Variants in ANK3 observed in about 807,000 individuals in gnomAD.
ANK3 encodes the protein ankyrin 3.
A neutral mutation model predicts 370.9 loss-of-function variants in ANK3; 57 were observed. That is an observed-to-expected ratio of 0.15 (90% CI 0.12 to 0.19). The LOEUF is 0.19. Among genes scored for constraint, ANK3 ranks in the 10% least tolerant of loss-of-function variants. The probability of loss-of-function intolerance (pLI) is 1.00; values close to 1 mark genes in which losing one functional copy is unlikely to be tolerated. For missense variants in ANK3, 4,439 were observed against 5,302.1 expected, an observed-to-expected ratio of 0.84 and a Z score of 5.06; for synonymous variants, 1,929 against 1,946.3, an observed-to-expected ratio of 0.99 and a Z score of 0.23.
chr10:60,636,202 T>C (rs1422755899), intron 1 of ANK3, among the ~76,000 whole-genome samples: 1 of 152,176 alleles, frequency 6.6e-6, no homozygotes, highest in Non-Finnish European at 1.5e-5. Context: ...AATTTCTATA[T>C]CCACAATGAA....
chr10:60,634,982 C>G (rs2078534309), intron 1 of ANK3, among the ~76,000 whole-genome samples: 1 of 152,146 alleles, frequency 6.6e-6, no homozygotes, highest in African/African-American at 2.4e-5. Flanking sequence ...ACACTCACCA[C>G]AAGGGTCCGT....
At chr10:60,430,993 C>G (rs2064008584) in intron 2 of ANK3, among the ~76,000 whole-genome samples, 1 of 152,120 alleles carries the variant, frequency 6.6e-6, no homozygotes, top group African/African-American at 2.4e-5. Flanking sequence ...CTTTTTGGCA[C>G]CAGGAACTGG....
In ANK3 at chr10:60,072,216, T is replaced by C; in HGVS notation, c.8665A>G (p.Lys2889Glu). 1 of 1,614,028 alleles carries C rather than the reference T, an allele frequency of 6.2e-7. No homozygotes were observed. The highest frequency in any genetic ancestry group is 1.7e-5 in the Admixed American group (1 of 59,998). The change falls in exon 37 of 44, where the codon AAA (lysine) becomes GAA (glutamate). Residue 2889 changes from lysine (K) to glutamate (E), a missense_variant. By Grantham distance (56) the Lys-to-Glu change is moderately conservative (BLOSUM62 1). This residue lies in a region of ANK3 where 1,601 missense variants were observed against 1,731.7 expected (regional missense o/e 0.92). Transcript: ENST00000280772. ...AATTCATTCTTTTGATCAACACTTT[T>C]ACTCTCAGGGTGACCAATGTGATTC... ...RENHIGHPES[K>E]SVDQKNEFMS...
chr10:60,729,927 T>C (rs1464631196), intron 1 of ANK3, among the ~76,000 whole-genome samples: 2 of 152,128 alleles, frequency 1.3e-5, no homozygotes, highest in Admixed American at 1.3e-4. Flanking sequence ...ACTCTCATAG[T>C]CAAACAGGAA....
chr10:60,569,383 G>A (rs1489461471), intron 2 of ANK3, among the ~76,000 whole-genome samples: 1 of 152,154 alleles, frequency 6.6e-6, no homozygotes. Context: ...TAGAAAAAGA[G>A]AGTTTGATTC....
intron 2 of ANK3, among the ~76,000 whole-genome samples, chr10:60,531,468 C>T (rs1413497252): frequency 1.3e-5 from 2 of 152,004 alleles, no homozygotes; most frequent in African/African-American, 4.8e-5. Flanking sequence ...AAATCAGTGG[C>T]TGTGGGCCAG....
chr10:60,060,004 AACCT>A, intron 40 of ANK3: 2 of 1,578,810 alleles, frequency 1.3e-6, no homozygotes, highest in Non-Finnish European at 1.7e-6. Flanking sequence ...AGGGAAGGAT[AACCT>A]ATGGAAGACA....
At position 60,030,138 on chromosome 10, in the gene ANK3, T is replaced by C. The variant is rs191070807; in HGVS notation, c.*20-312A>G. ...TGTTTTGTAATTGCACCAGACCACC[T>C]GGTTCAACTTTTTTTCTTTTTTGAG... On this transcript the variant is annotated intron_variant, in intron 43 of 43. Coordinates refer to ENST00000280772, the MANE Select transcript of ANK3 (RefSeq NM_020987.5). Among the ~76,000 whole-genome samples the C allele has an allele frequency of 2.6e-5, 4 of 152,050 alleles. No individual in the cohort carries two copies. The East Asian group carries it at 7.8e-4, about 30-fold the overall frequency.
At chr10:60,421,068 A>G (rs2063768223) in intron 2 of ANK3, among the ~76,000 whole-genome samples, 1 of 149,672 alleles carries the variant, frequency 6.7e-6, no homozygotes, top group Non-Finnish European at 1.5e-5. Flanking sequence ...ACTTGAGCAC[A>G]TGTTAAGTGA....
At chr10:60,424,990 G>T (rs972774982) in intron 2 of ANK3, among the ~76,000 whole-genome samples, 3 of 152,006 alleles carry the variant, frequency 2.0e-5, no homozygotes, top group Non-Finnish European at 2.9e-5. Context: ...ACGGTTCAGG[G>T]CAGAAATGCA....
At chr10:60,240,311 T>C (rs1306957335) in intron 7 of ANK3, among the ~76,000 whole-genome samples, 1 of 144,542 alleles carries the variant, frequency 6.9e-6, no homozygotes, top group Non-Finnish European at 1.5e-5. Flanking sequence ...TATATATTTT[T>C]TTTTCTTTTT....
intron 2 of ANK3, among the ~76,000 whole-genome samples, chr10:60,559,540 GACAA>G (rs2077287796): frequency 6.6e-6 from 1 of 152,068 alleles, no homozygotes; most frequent in Non-Finnish European, 1.5e-5. Flanking sequence ...GCTCTAGGTA[GACAA>G]AATATCCCTA....
At chr10:60,318,174 T>C (rs2047872503) in intron 1 of ANK3, among the ~76,000 whole-genome samples, 1 of 152,182 alleles carries the variant, frequency 6.6e-6, no homozygotes, top group Non-Finnish European at 1.5e-5. Flanking sequence ...TGTGCCATGG[T>C]GGTTTGCTGC....
At chr10:60,262,355 T>A (rs968850904) in intron 6 of ANK3, among the ~76,000 whole-genome samples, 1 of 152,218 alleles carries the variant, frequency 6.6e-6, no homozygotes, top group South Asian at 2.1e-4. Flanking sequence ...ATATTTGATA[T>A]AGATTCATAT....
intron 11 of ANK3, among the ~76,000 whole-genome samples, chr10:60,205,329 G>A (rs2096745569): frequency 6.6e-6 from 1 of 152,110 alleles, no homozygotes; most frequent in South Asian, 2.1e-4. Flanking sequence ...TGAATCAGAC[G>A]ACTTTTTGTT....
intron 2 of ANK3, among the ~76,000 whole-genome samples, chr10:60,522,137 AATTCCTTGCAGCTG>A (rs2076362104): frequency 6.6e-6 from 1 of 152,090 alleles, no homozygotes; most frequent in African/African-American, 2.4e-5. Flanking sequence ...AAATCAATGC[AATTCCTTGCAGCTG>A]AGCCCAGCTG....
intron 2 of ANK3, among the ~76,000 whole-genome samples, chr10:60,531,864 G>C (rs1030192007): frequency 2.0e-5 from 3 of 152,060 alleles, no homozygotes; most frequent in Admixed American, 1.3e-4. Flanking sequence ...CTCTTGAAAA[G>C]ATATCTCTAG....
intron 43 of ANK3, 126 bp downstream of exon 43, chr10:60,042,546 T>C (rs898538078): frequency 3.1e-6 from 3 of 968,284 alleles, no homozygotes; most frequent in African/African-American, 3.3e-5. Flanking sequence ...AACTTCGTAT[T>C]TGATTTTCAA....
At chr10:60,522,265 T>C (rs1714281837) in intron 2 of ANK3, among the ~76,000 whole-genome samples, 1 of 151,812 alleles carries the variant, frequency 6.6e-6, no homozygotes, top group South Asian at 2.1e-4. Flanking sequence ...GTTTCAATGC[T>C]CACGCTGGGG....
Sources: allele counts gnomAD v4.1 joint callset (sites outside exome capture counted in the v4.1 genomes callset), GRCh38; gene constraint gnomAD v4.1.1; regional missense constraint gnomAD v4.1.1; transcripts MANE v1.5; gene names NCBI Gene and HGNC (gene_info 2026-07-23, HGNC 2026-07-21).